The following SLC39A8 variants were observed in gnomAD, a reference collection of about 807,000 sequenced individuals.
SLC39A8 encodes metal cation symporter ZIP8.
A neutral mutation model predicts 40.4 loss-of-function variants in SLC39A8; 15 were observed. That is an observed-to-expected ratio of 0.37 (90% CI 0.25 to 0.57). The LOEUF (loss-of-function observed/expected upper bound fraction) is 0.57. Ranked by LOEUF, SLC39A8 falls within the 20% of genes least tolerant of loss-of-function variation. The pLI is 0.75. For missense variants in SLC39A8, 472 were observed against 558.8 expected (o/e 0.84, Z 1.57); for synonymous variants, 223 against 221.6 (o/e 1.01, Z -0.06).
At chr4:102,283,580 TGAG>T (rs1733005240) in intron 6 of SLC39A8, among the ~76,000 whole-genome samples, 1 of 148,158 alleles carries the variant, frequency 6.7e-6, no homozygotes, top group Non-Finnish European at 1.5e-5. Flanking sequence ...TTCCAATTGT[TGAG>T]GAGAAAAAAA....
intron 2 of SLC39A8, among the ~76,000 whole-genome samples, chr4:102,341,736 C>G (rs1009140123): frequency 6.6e-6 from 1 of 152,126 alleles, no homozygotes; most frequent in African/African-American, 2.4e-5. Context: ...TTTAGTAGTC[C>G]TTACTTAAGG....
intron 3 of SLC39A8, among the ~76,000 whole-genome samples, chr4:102,308,046 G>T (rs1044470638): frequency 8.6e-5 from 13 of 151,926 alleles, no homozygotes; most frequent in African/African-American, 2.9e-4. Context: ...GGGAGGGCAG[G>T]GATGGAGATG....
rs780986200 is a variant in SLC39A8 at position 102,344,482 on chromosome 4, C to A, written c.181G>T (p.Val61Leu). Reference protein sequence around the residue: ...LLEQMGAASRVGVPEPGQLHF... With the variant: ...LLEQMGAASRLGVPEPGQLHF... ...AGCTGGCCAGGCTCCGGGACGCCCACGCGGGAGGCGGCTCCCATCTGCTCC... is the reference window on the plus strand; with the variant it reads ...AGCTGGCCAGGCTCCGGGACGCCCAAGCGGGAGGCGGCTCCCATCTGCTCC... Residue 61 changes from valine (V) to leucine (L), a missense_variant, in exon 2 of 9, where the codon GTG becomes TTG. By Grantham distance (32) the Val-to-Leu change is conservative (BLOSUM62 1). Coordinates refer to ENST00000356736, the MANE Select transcript of SLC39A8 (RefSeq NM_001135146.2). 6.5e-7 allele frequency: 1 copy of A among 1,549,694 alleles called. No individual in the cohort carries two copies. Among genetic ancestry groups the A allele is most frequent in the Non-Finnish European group, 8.7e-7 (1 of 1,147,526 alleles).
chr4:102,281,236 T>G (rs145030078), intron 6 of SLC39A8, among the ~76,000 whole-genome samples: 1 of 152,164 alleles, frequency 6.6e-6, no homozygotes, highest in African/African-American at 2.4e-5. Flanking sequence ...CAATGTAAGT[T>G]GGAGAAATCA....
downstream of SLC39A8, among the ~76,000 whole-genome samples, chr4:102,260,529 C>A (rs1471955330): frequency 6.6e-6 from 1 of 152,184 alleles, no homozygotes; most frequent in Non-Finnish European, 1.5e-5. Context: ...TCTGTAGCAA[C>A]CATCTTAGAG....
intron 6 of SLC39A8, among the ~76,000 whole-genome samples, chr4:102,293,890 G>C (rs1211025758): frequency 1.3e-5 from 2 of 151,536 alleles, no homozygotes; most frequent in Non-Finnish European, 2.9e-5. Context: ...TGGCAGTGTG[G>C]TGGTAGGTCA....
chr4:102,326,517 C>T (rs1024220004), intron 2 of SLC39A8, among the ~76,000 whole-genome samples: 4 of 152,088 alleles, frequency 2.6e-5, no homozygotes, highest in African/African-American at 9.7e-5. Flanking sequence ...GCCGAGATCG[C>T]GCCACTGCAT....
intron 6 of SLC39A8, 66 bp downstream of exon 6, chr4:102,304,251 A>C: frequency 7.9e-7 from 1 of 1,267,862 alleles, no homozygotes; most frequent in Non-Finnish European, 1.1e-6. Context: ...TTAGCTGCAT[A>C]AACAGTCATG....
chr4:102,265,303 T>C (rs751019796), intron 8 of SLC39A8, among the ~76,000 whole-genome samples: 12 of 149,308 alleles, frequency 8.0e-5, no homozygotes, highest in East Asian at 7.8e-4. Context: ...GAGAGGGAGA[T>C]GGAAGGATGG....
chr4:102,259,455 C>A, downstream of SLC39A8: 5 of 1,539,034 alleles, frequency 3.2e-6, no homozygotes, highest in Non-Finnish European at 4.4e-6. Context: ...TTATTCTTAC[C>A]GTATATATCC....
chr4:102,329,049 A>G (rs1560567181), intron 2 of SLC39A8, among the ~76,000 whole-genome samples: 1 of 151,492 alleles, frequency 6.6e-6, no homozygotes, highest in Non-Finnish European at 1.5e-5. Flanking sequence ...AAAAAGACAT[A>G]TATAACTGTA....
At chr4:102,326,872 C>A (rs1468514507) in intron 2 of SLC39A8, among the ~76,000 whole-genome samples, 1 of 152,152 alleles carries the variant, frequency 6.6e-6, no homozygotes, top group Non-Finnish European at 1.5e-5. Context: ...GGTTATCCTA[C>A]AACTCCACAA....
chr4:102,305,221 C>A, intron 4 of SLC39A8, 110 bp from the exon 5 acceptor site: 2 of 1,138,712 alleles, frequency 1.8e-6, no homozygotes, highest in East Asian at 5.7e-5. Context: ...CTCTTCACAT[C>A]CAAGTAATAT....
chr4:102,262,826 A>G lies in SLC39A8; in HGVS notation c.*218T>C, dbSNP rs1731924266. On this transcript the variant is annotated 3_prime_UTR_variant, in exon 9 of 9. Transcript: ENST00000356736. The stretch of plus-strand genomic sequence containing the variant: ...ATAGGTATTTCCCAAAGGCTCCTAT[A>G]TACCAGGCATCTCAGACTGACACTG... 1 of 1,327,726 alleles carries G rather than the reference A, an allele frequency of 7.5e-7. No homozygotes were observed. Among genetic ancestry groups the G allele is most frequent in the African/African-American group, 1.5e-5 (1 of 66,754 alleles). 82.2% of individuals were successfully genotyped at this position (1,327,726 alleles called of 1,614,324 possible).
chr4:102,272,331 C>T (rs1280275219), intron 6 of SLC39A8, among the ~76,000 whole-genome samples: 2 of 151,738 alleles, frequency 1.3e-5, no homozygotes, highest in Non-Finnish European at 2.9e-5. Flanking sequence ...CCCAGCTACT[C>T]AGGAGGCTGA....
chr4:102,300,134 T>C lies in SLC39A8; in HGVS notation c.840+4183A>G, dbSNP rs535966644. On this transcript the variant is annotated intron_variant, in intron 6 of 8. Transcript: ENST00000356736. The stretch of plus-strand genomic sequence containing the variant: ...GACCCCCACTTTTCCCCAAAAAGCA[T>C]GCACGTGCCCACACGCATGCCACAT... Among the ~76,000 whole-genome samples the C allele has an allele frequency of 2.6e-5, 4 of 152,174 alleles. No homozygotes were observed. The South Asian group carries it at 8.3e-4, about 32-fold the overall frequency.
chr4:102,320,131 C>G lies in SLC39A8; in HGVS notation c.220-4301G>C, dbSNP rs908151229. 2.8e-5 allele frequency among the ~76,000 whole-genome samples: 4 copies of G among 144,864 alleles called. No individual in the cohort carries two copies. The Admixed American group carries it at 2.8e-4, about 10-fold the overall frequency. ...TGGGACTTCTCAGCCTCCACAATCA[C>G]ATGAGCCAATTCCTCATAATCTCTC... On this transcript the variant is annotated intron_variant, in intron 2 of 8. Coordinates refer to ENST00000356736, the MANE Select transcript of SLC39A8 (RefSeq NM_001135146.2).
chr4:102,271,872 T>A (rs1732378798), intron 6 of SLC39A8, among the ~76,000 whole-genome samples: 1 of 152,110 alleles, frequency 6.6e-6, no homozygotes, highest in Admixed American at 6.5e-5. Flanking sequence ...CACCCTCTAG[T>A]AGCAACCAGT....
chr4:102,304,631 C>T (rs1454041828), intron 5 of SLC39A8, 150 bp from the exon 6 acceptor site: 4 of 636,802 alleles, frequency 6.3e-6, no homozygotes, highest in Admixed American at 3.6e-5. Flanking sequence ...TATAAAATTT[C>T]TCTTTTTTAC....
Sources: allele counts gnomAD v4.1 joint callset (sites outside exome capture counted in the v4.1 genomes callset), GRCh38; gene constraint gnomAD v4.1.1; transcripts MANE v1.5; gene names NCBI Gene and HGNC (gene_info 2026-07-23, HGNC 2026-07-21).